Variants in SRRM3 observed in about 807,000 individuals in gnomAD.
The protein encoded by SRRM3 is serine/arginine repetitive matrix 3, also known as serine/arginine repetitive matrix protein 3.
In SRRM3, 27 loss-of-function variants were observed where a neutral mutation model predicts 66.2. The observed-to-expected ratio is 0.41, with a 90% CI of 0.30 to 0.56. SRRM3 has a LOEUF of 0.56. Ranked by LOEUF, SRRM3 falls within the 20% of genes least tolerant of loss-of-function variation. The pLI, the probability that SRRM3 is intolerant of heterozygous loss-of-function variation, is 0.32. For synonymous variants in SRRM3, 391 were observed against 414.9 expected (o/e 0.94, Z 0.70); for missense variants, 918 against 991.9 (o/e 0.93, Z 1.00).
At chr7:76,256,482 G>A (rs1801715510) in intron 3 of SRRM3, among the ~76,000 whole-genome samples, 1 of 151,628 alleles carries the variant, frequency 6.6e-6, no homozygotes, top group South Asian at 2.1e-4. Context: ...ACTCCAGCCT[G>A]GGCGACAAGA....
chr7:76,236,411 G>A (rs1252206058), intron 2 of SRRM3, among the ~76,000 whole-genome samples: 1 of 143,032 alleles, frequency 7.0e-6, no homozygotes, highest in African/African-American at 2.5e-5. Context: ...CACTGTCAGT[G>A]AGCTGAGAAA....
At chr7:76,284,366 CG>C in intron 14 of SRRM3, among the ~76,000 whole-genome samples, 1 of 152,080 alleles carries the variant, frequency 6.6e-6, no homozygotes, top group South Asian at 2.1e-4. Flanking sequence ...TTAGTAGAGA[CG>C]GGGTTTCACC....
intron 1 of SRRM3, among the ~76,000 whole-genome samples, chr7:76,203,768 C>T (rs1217042558): frequency 1.1e-4 from 16 of 151,800 alleles, no homozygotes; most frequent in Non-Finnish European, 1.8e-4. Context: ...AAGCCACTCG[C>T]GCTGTCCTCC....
In SRRM3 at chr7:76,267,459, G is replaced by C; in HGVS notation, c.1008+24G>C. 4 of 1,329,010 alleles carry C rather than the reference G, an allele frequency of 3.0e-6. No homozygotes were observed. In the South Asian group the frequency reaches 8.2e-5, roughly 27 times the overall value. The allele number at this position is 1,329,010 out of a possible 1,614,324, so 82.3% of individuals were successfully genotyped here. A position where few individuals can be genotyped will look rare whatever the true frequency, so the allele number is the denominator to read the frequency against. On this transcript the variant is annotated intron_variant, in intron 11 of 14. Transcript: ENST00000611745. ...ATGTACGTACGCTTCGCTTTGCGGA[G>C]GGTTCCCGCGCCGCGGGCTGCGCCG...
intron 11 of SRRM3, among the ~76,000 whole-genome samples, chr7:76,277,754 G>GAA (rs369465501): frequency 7.7e-4 from 102 of 132,344 alleles, no homozygotes; most frequent in African/African-American, 2.8e-3. Context: ...GAGAAAGAAA[G>GAA]AAAAGAAAAA....
chr7:76,254,088 T>C (rs1554607334), intron 3 of SRRM3, among the ~76,000 whole-genome samples: 1 of 152,030 alleles, frequency 6.6e-6, no homozygotes, highest in Non-Finnish European at 1.5e-5. Flanking sequence ...CAATCACAGC[T>C]CATTGCTGCC....
intron 1 of SRRM3, among the ~76,000 whole-genome samples, chr7:76,229,037 G>A (rs1282887204): frequency 2.6e-5 from 4 of 151,578 alleles, no homozygotes; most frequent in South Asian, 4.2e-4. Context: ...TAGCTGGGAC[G>A]ACAGGCACCT....
At chr7:76,282,446 A>C (rs1190621288) in intron 12 of SRRM3, among the ~76,000 whole-genome samples, 4 of 42,412 alleles carry the variant, frequency 9.4e-5, no homozygotes, top group Non-Finnish European at 1.4e-4. Flanking sequence ...GATCTCCCCC[A>C]ACACGCCCCC....
chr7:76,276,412 GC>G (rs1474705774), intron 11 of SRRM3, among the ~76,000 whole-genome samples: 6 of 152,162 alleles, frequency 3.9e-5, no homozygotes, highest in Non-Finnish European at 1.5e-5. Flanking sequence ...CACCACGGCA[GC>G]CCCCTGGCTA....
chr7:76,285,637 T>C lies in SRRM3; in HGVS notation c.1756T>C (p.Tyr586His). Reference protein sequence around the residue: ...ITSARKRPIPYYRPSPSSSSS... With the variant: ...ITSARKRPIPHYRPSPSSSSS... ...CAGCGCCCGCAAGCGTCCTATTCCA[T>C]ACTACCGGCCCAGCCCCTCTTCCTC... Residue 586 changes from tyrosine (Y) to histidine (H), a missense_variant, in exon 15 of 15, where the codon TAC (tyrosine) becomes CAC (histidine). Transcript: ENST00000611745. This position sits in a 1 kb window ranked among gnomAD's most constrained non-coding sequence, Gnocchi z 4.1. 6.4e-7 allele frequency: 1 copy of C among 1,550,794 alleles called. No homozygotes were observed. Among genetic ancestry groups the C allele is most frequent in the Non-Finnish European group, 8.7e-7 (1 of 1,146,898 alleles).
chr7:76,223,488 T>A (rs1329086679), intron 1 of SRRM3, among the ~76,000 whole-genome samples: 1 of 152,236 alleles, frequency 6.6e-6, no homozygotes, highest in Non-Finnish European at 1.5e-5. Flanking sequence ...CAGATGGCTT[T>A]TCTTTTCCAG....
chr7:76,273,866 C>A (rs189782245), intron 11 of SRRM3, among the ~76,000 whole-genome samples: 1 of 152,296 alleles, frequency 6.6e-6, no homozygotes, highest in East Asian at 1.9e-4. Flanking sequence ...TCCTTCTTCA[C>A]CTTCCTTGTT....
At chr7:76,258,478 G>T (rs887642375) in intron 3 of SRRM3, among the ~76,000 whole-genome samples, 2 of 151,930 alleles carry the variant, frequency 1.3e-5, no homozygotes, top group African/African-American at 2.4e-5. Flanking sequence ...ACGTTGGGAG[G>T]CCAAGGTGGG....
chr7:76,276,174 C>G (rs1490977519), intron 11 of SRRM3, among the ~76,000 whole-genome samples: 2 of 152,090 alleles, frequency 1.3e-5, no homozygotes, highest in African/African-American at 2.4e-5. Flanking sequence ...GGGAACAGGG[C>G]TCAGAGGCAG....
At chr7:76,276,500 C>T (rs1554611175) in intron 11 of SRRM3, among the ~76,000 whole-genome samples, 1 of 152,134 alleles carries the variant, frequency 6.6e-6, no homozygotes, top group African/African-American at 2.4e-5. Context: ...GTGATGCAGC[C>T]TGGAAAAGGC....
intron 2 of SRRM3, among the ~76,000 whole-genome samples, chr7:76,244,447 C>T (rs1554605965): frequency 6.6e-6 from 1 of 150,984 alleles, no homozygotes; most frequent in African/African-American, 2.4e-5. Flanking sequence ...TTGCTTGAAC[C>T]TGGGAGGCAG....
chr7:76,212,227 C>T (rs1394508188), intron 1 of SRRM3, among the ~76,000 whole-genome samples: 3 of 140,548 alleles, frequency 2.1e-5, no homozygotes, highest in African/African-American at 5.5e-5. Context: ...GTGGCACAAT[C>T]GTGGCTTACT....
rs76979543 is a variant in SRRM3 at position 76,248,107 on chromosome 7, G to A, written c.234-81G>A. The A allele has an allele frequency of 4.0e-4, 442 of 1,103,646 alleles. 2 individuals carry two copies. In the African/African-American group the frequency reaches 5.9e-3, roughly 15 times the overall value. 68.4% of individuals were successfully genotyped at this position (1,103,646 alleles called of 1,614,324 possible). On this transcript the variant is annotated intron_variant, in intron 2 of 14. Coordinates refer to ENST00000611745, the MANE Select transcript of SRRM3 (RefSeq NM_001110199.3). ...GTGCACTTGTGACCCAGGGGTTGGCGGGGCTGGGCTGAGTGCGGGGCAGGA... is the reference window on the plus strand; with the variant it reads ...GTGCACTTGTGACCCAGGGGTTGGCAGGGCTGGGCTGAGTGCGGGGCAGGA...
chr7:76,264,729 G>A (rs374677994), intron 8 of SRRM3, 36 bp from the exon 9 acceptor site: 59 of 1,611,760 alleles, frequency 3.7e-5, no homozygotes, highest in African/African-American at 9.4e-5. Context: ...CACCCTCCCC[G>A]GGCCACACCA....
Sources: gnomAD v4.1 joint callset for allele counts (sites outside exome capture counted in the v4.1 genomes callset) on GRCh38, gnomAD v4.1.1 for gene constraint, Gnocchi (gnomAD v3.1) non-coding constraint, MANE v1.5 for transcripts, NCBI Gene and HGNC (gene_info 2026-07-23, HGNC 2026-07-21) for gene names.